Variants in FBLIM1 observed in about 807,000 individuals in gnomAD.
FBLIM1 encodes the protein filamin binding LIM protein 1.
In FBLIM1, 29 loss-of-function variants were observed where a neutral mutation model predicts 37.4. The observed-to-expected ratio is 0.77, with a 90% CI of 0.58 to 1.06. The LOEUF (loss-of-function observed/expected upper bound fraction) is 1.06, where lower values mean the gene tolerates loss of function less well. Among genes scored for constraint, FBLIM1 ranks in the 50% least tolerant of loss-of-function variants. The probability of loss-of-function intolerance (pLI) is 0.00; values close to 1 mark genes in which losing one functional copy is unlikely to be tolerated. For missense variants in FBLIM1, 449 were observed against 505.6 expected, an observed-to-expected ratio of 0.89 and a Z score of 1.07; for synonymous variants, 193 against 199.0, an observed-to-expected ratio of 0.97 and a Z score of 0.25.
intron 7 of FBLIM1, chr1:15,776,866 C>CAAA (rs36071270): frequency 5.8e-5 from 4 of 68,778 alleles, no homozygotes; most frequent in Non-Finnish European, 7.8e-5. Flanking sequence ...AACTCCATCT[C>CAAA]AAAAAAAAAA....
intron 1 of FBLIM1, among the ~76,000 whole-genome samples, chr1:15,761,902 G>A (rs1212850333): frequency 6.6e-6 from 1 of 152,100 alleles, no homozygotes. Flanking sequence ...TTTAGCCCTG[G>A]GCACAGGCAT....
At chr1:15,767,260 C>A in intron 3 of FBLIM1, 116 bp from the exon 4 acceptor site, 1 of 869,680 alleles carries the variant, frequency 1.1e-6, no homozygotes, top group South Asian at 2.0e-5. Context: ...GAACCCAGGC[C>A]GGGGTGATCC....
At position 15,777,242 on chromosome 1, in the gene FBLIM1, C is replaced by T. The variant is rs777184538; in HGVS notation, c.963C>T (p.Ile321=). The stretch of plus-strand genomic sequence containing the variant: ...GGGATGGGAAAGATGCCTTCAAAAT[C>T]GAATGCATGGGAAGAAACTTCCATG... ...IPRDGKDAFK[I]ECMGRNFHEN... is the part of the protein sequence containing the mutation. The change falls in exon 8 of 9, where the codon ATC becomes ATT. Residue 321 remains isoleucine, a synonymous_variant. Coordinates refer to ENST00000375766, the MANE Select transcript of FBLIM1 (RefSeq NM_017556.4). 11 of 1,613,330 alleles carry T rather than the reference C, an allele frequency of 6.8e-6. No homozygotes were observed. The highest frequency in any genetic ancestry group is 1.7e-4 in the Middle Eastern group (1 of 6,058).
In FBLIM1 at chr1:15,768,601, C is replaced by T. The variant is rs1169516400; in HGVS notation, c.512C>T (p.Ala171Val). Residue 171 changes from alanine (A) to valine (V), a missense_variant, in exon 5 of 9, where the codon GCA becomes GTA. Coordinates refer to ENST00000375766, the MANE Select transcript of FBLIM1 (RefSeq NM_017556.4). ...PMEEELPPPP[A>V]EPVEKGASTD... The stretch of plus-strand genomic sequence containing the variant: ...GAGGAAGAGCTGCCACCTCCCCCGG[C>T]AGAACCTGTTGAGAAAGGGGCATCC... 1.2e-6 allele frequency: 2 copies of T among 1,612,050 alleles called. No homozygotes were observed. Among genetic ancestry groups the T allele is most frequent in the African/African-American group, 2.7e-5 (2 of 74,860 alleles).
chr1:15,758,125 A>G (rs2068490603), upstream of FBLIM1: 2 of 152,164 alleles, frequency 1.3e-5, no homozygotes, highest in Non-Finnish European at 2.9e-5. This position sits in a 1 kb window ranked among gnomAD's most constrained non-coding sequence, Gnocchi z 6.2. Context: ...GCATATATTA[A>G]CCACTATTAA....
chr1:15,766,051 C>T (rs891053579), intron 3 of FBLIM1, among the ~76,000 whole-genome samples: 1 of 152,196 alleles, frequency 6.6e-6, no homozygotes, highest in Admixed American at 6.5e-5. Flanking sequence ...CGCAGGCTCC[C>T]ACCCCAAGTA....
intron 7 of FBLIM1, 77 bp from the exon 8 acceptor site, chr1:15,777,093 G>A (rs1464192413): frequency 1.7e-6 from 2 of 1,191,988 alleles, no homozygotes; most frequent in Non-Finnish European, 2.4e-6. Flanking sequence ...ACACCAGCCA[G>A]CCCGAGTTCT....
Position 15,764,632 on chromosome 1 carries a change from G to A in FBLIM1, c.-74G>A. The A allele has an allele frequency of 4.1e-6, 1 of 242,520 alleles. No homozygotes were observed. The highest frequency in any genetic ancestry group is 7.9e-6 in the Non-Finnish European group (1 of 126,892). 15.0% of individuals were successfully genotyped at this position (242,520 alleles called of 1,614,324 possible). A position where few individuals can be genotyped will look rare whatever the true frequency, so the allele number is the denominator to read the frequency against. ...GAAGTCAGCCCTGCTGGGGCTGGGA[G>A]CTGAAGCATCTGTTCCTTCCTCGCG... is the stretch of plus-strand genomic sequence containing the variant. On this transcript the variant is annotated 5_prime_UTR_variant, in exon 2 of 9. Transcript: ENST00000375766.
chr1:15,768,683 G>A (rs2069050864), intron 5 of FBLIM1, 53 bp downstream of exon 5: 3 of 1,449,784 alleles, frequency 2.1e-6, no homozygotes, highest in African/African-American at 2.9e-5. Context: ...GGCCAGCATG[G>A]GCTTCCAGGT....
chr1:15,758,073 C>G (rs2068489445), upstream of FBLIM1: 1 of 152,280 alleles, frequency 6.6e-6, no homozygotes, highest in Non-Finnish European at 1.5e-5. This position sits in a 1 kb window ranked among gnomAD's most constrained non-coding sequence, Gnocchi z 6.2. Flanking sequence ...GTCTCCGAGA[C>G]CCCCACCCTC....
chr1:15,777,808 G>A (rs1169976262), intron 8 of FBLIM1, among the ~76,000 whole-genome samples: 1 of 151,988 alleles, frequency 6.6e-6, no homozygotes, highest in Non-Finnish European at 1.5e-5. Flanking sequence ...CCTGACCTCA[G>A]GTGATCCGCC....
intron 8 of FBLIM1, among the ~76,000 whole-genome samples, chr1:15,779,053 A>G (rs1343780665): frequency 6.6e-6 from 1 of 152,002 alleles, no homozygotes; most frequent in African/African-American, 2.4e-5. Context: ...TCCCTGCCTC[A>G]GCCTCCTGAG....
chr1:15,762,483 G>C (rs1413147498), intron 1 of FBLIM1, among the ~76,000 whole-genome samples: 1 of 151,984 alleles, frequency 6.6e-6, no homozygotes, highest in East Asian at 1.9e-4. Context: ...GGCTGGTCTT[G>C]AACTCCTTAC....
intron 7 of FBLIM1, among the ~76,000 whole-genome samples, chr1:15,776,086 T>A (rs1423914312): frequency 6.6e-6 from 1 of 152,092 alleles, no homozygotes; most frequent in Non-Finnish European, 1.5e-5. Flanking sequence ...ATGGGAGTGA[T>A]GAGCCCAGCA....
Position 15,774,689 on chromosome 1 carries a change from C to T in FBLIM1, c.783C>T (p.Ala261=). ...ACATCATCAGGGCCCTGGGCCAGGC[C>T]TTCCACCCCTCCTGCTTCACGTGTG... The part of the protein sequence containing the change: ...RDHIIRALGQ[A]FHPSCFTCVT... Residue 261 remains alanine, a synonymous_variant, in exon 7 of 9, where the codon GCC becomes GCT. Coordinates refer to ENST00000375766, the MANE Select transcript of FBLIM1 (RefSeq NM_017556.4). 1 of 1,614,134 alleles carries T rather than the reference C, an allele frequency of 6.2e-7. No homozygotes were observed. Among genetic ancestry groups the T allele is most frequent in the Non-Finnish European group, 8.5e-7 (1 of 1,179,986 alleles).
At chr1:15,759,070 G>A (rs2068537806) in intron 1 of FBLIM1, among the ~76,000 whole-genome samples, 1 of 152,096 alleles carries the variant, frequency 6.6e-6, no homozygotes, top group Non-Finnish European at 1.5e-5. Flanking sequence ...CGGCAGGTCC[G>A]GGGCGAGGGC....
chr1:15,777,465 G>A (rs1215917309), intron 8 of FBLIM1, among the ~76,000 whole-genome samples, 178 bp downstream of exon 8: 1 of 151,936 alleles, frequency 6.6e-6, no homozygotes, highest in Non-Finnish European at 1.5e-5. Context: ...AACTCTTTGC[G>A]TTAATAAGAA....
At chr1:15,769,740 G>A (rs1273247827) in intron 5 of FBLIM1, among the ~76,000 whole-genome samples, 5 of 151,794 alleles carry the variant, frequency 3.3e-5, no homozygotes, top group South Asian at 4.2e-4. Flanking sequence ...GGGTTTAAGC[G>A]AGTCTCCTGC....
chr1:15,773,683 A>G (rs1441948296), intron 6 of FBLIM1, among the ~76,000 whole-genome samples: 9 of 22,676 alleles, frequency 4.0e-4, no homozygotes, highest in South Asian at 2.4e-3. Flanking sequence ...CCGTCTCAGA[A>G]AAAAAAAAAA....
Sources: gnomAD v4.1 joint callset for allele counts (sites outside exome capture counted in the v4.1 genomes callset) on GRCh38, gnomAD v4.1.1 for gene constraint, Gnocchi (gnomAD v3.1) non-coding constraint, MANE v1.5 for transcripts, NCBI Gene and HGNC (gene_info 2026-07-23, HGNC 2026-07-21) for gene names.